Variants in NALF1 observed in about 807,000 individuals in gnomAD.
NALF1 encodes NALCN channel auxiliary factor 1, also known as family with sequence similarity 155 member A.
NALF1 carries 3 observed loss-of-function variants against 48.4 expected under a neutral mutation model. That is an observed-to-expected ratio of 0.06 (90% CI 0.03 to 0.16). The LOEUF (loss-of-function observed/expected upper bound fraction) is 0.16. Ranked by LOEUF, NALF1 falls within the 10% of genes least tolerant of loss-of-function variation. NALF1 has a pLI of 1.00. For synonymous variants in NALF1, 262 were observed against 245.7 expected, an observed-to-expected ratio of 1.07 and a Z score of -0.62; for missense variants, 526 against 571.5, an observed-to-expected ratio of 0.92 and a Z score of 0.81.
Position 107,564,488 on chromosome 13 carries a change from A to T in NALF1, c.915+301194T>A, listed in dbSNP as rs578248460. 1.3e-4 allele frequency among the ~76,000 whole-genome samples: 20 copies of T among 152,102 alleles called. No individual in the cohort carries two copies. In the South Asian group the frequency reaches 4.2e-3, roughly 32 times the overall value. On this transcript the variant is annotated intron_variant, in intron 1 of 2. Transcript: ENST00000375915. ...TAAGTGGGTGCACCTTTCCTAGTTC[A>T]CCCTGGTTGTTCTTGCTCATCCCCA... is the stretch of plus-strand genomic sequence containing the variant.
chr13:107,445,257 C>T (rs536419687), intron 1 of NALF1, among the ~76,000 whole-genome samples: 7 of 152,158 alleles, frequency 4.6e-5, no homozygotes, highest in South Asian at 2.1e-4. Context: ...GCCCTCTCTC[C>T]GAAGTCCCTG....
chr13:107,499,639 G>A (rs1460921605), intron 1 of NALF1, among the ~76,000 whole-genome samples: 2 of 152,130 alleles, frequency 1.3e-5, no homozygotes, highest in Admixed American at 1.3e-4. Context: ...ATATTTTACA[G>A]TATCATTCTG....
intron 1 of NALF1, among the ~76,000 whole-genome samples, chr13:107,315,568 TC>T (rs796352139): frequency 9.9e-5 from 15 of 152,262 alleles, no homozygotes; most frequent in African/African-American, 3.6e-4. Flanking sequence ...AAATGCAATT[TC>T]CAAGGTACTT....
At chr13:107,756,248 A>G (rs2138557015) in intron 1 of NALF1, among the ~76,000 whole-genome samples, 1 of 152,188 alleles carries the variant, frequency 6.6e-6, no homozygotes, top group Middle Eastern at 3.4e-3. Flanking sequence ...CTACAGGGGA[A>G]GGTGTCTTTT....
At chr13:107,457,518 C>G (rs1284323102) in intron 1 of NALF1, among the ~76,000 whole-genome samples, 1 of 152,184 alleles carries the variant, frequency 6.6e-6, no homozygotes, top group Non-Finnish European at 1.5e-5. Flanking sequence ...TGGCTTAGAA[C>G]ATTTACTAGA....
chr13:107,753,318 A>T (rs75360546), intron 1 of NALF1, among the ~76,000 whole-genome samples: 12,774 of 152,186 alleles, frequency 0.084, 647 homozygotes, highest in East Asian at 0.16. Flanking sequence ...TTAATTGTGC[A>T]ATAAGGCTTC....
chr13:107,385,290 C>T (rs1270435562), intron 1 of NALF1, among the ~76,000 whole-genome samples: 12 of 152,214 alleles, frequency 7.9e-5, no homozygotes, highest in South Asian at 2.1e-4. Flanking sequence ...CAGTGGCTCA[C>T]GCCTGTAATC....
chr13:107,833,768 CA>C (rs1227776380), intron 1 of NALF1, among the ~76,000 whole-genome samples: 1 of 152,164 alleles, frequency 6.6e-6, no homozygotes, highest in Non-Finnish European at 1.5e-5. Context: ...TAATGCTTCT[CA>C]TGTAAAGGTA....
chr13:107,583,606 G>GTA (rs1451513958), intron 1 of NALF1, among the ~76,000 whole-genome samples: 1 of 152,110 alleles, frequency 6.6e-6, no homozygotes, highest in Non-Finnish European at 1.5e-5. Context: ...AGCTCTCAGT[G>GTA]TAACTGATAT....
intron 1 of NALF1, among the ~76,000 whole-genome samples, chr13:107,396,420 G>A (rs112407753): frequency 9.2e-5 from 14 of 152,160 alleles, no homozygotes; most frequent in Non-Finnish European, 1.6e-4. Context: ...CCCTGTGTTC[G>A]TGCTCTAATA....
intron 1 of NALF1, among the ~76,000 whole-genome samples, chr13:107,639,139 ATAAGG>A (rs1880076610): frequency 6.6e-6 from 1 of 152,336 alleles, no homozygotes; most frequent in African/African-American, 2.4e-5. Flanking sequence ...TTTACTTAAT[ATAAGG>A]TATTTATTTT....
intron 1 of NALF1, among the ~76,000 whole-genome samples, chr13:107,348,897 A>G (rs1160239138): frequency 6.6e-6 from 1 of 152,192 alleles, no homozygotes; most frequent in Non-Finnish European, 1.5e-5. Context: ...CCTCTCTTCC[A>G]TTTCAGATGC....
chr13:107,759,222 GT>G (rs1450358716), intron 1 of NALF1, among the ~76,000 whole-genome samples: 1 of 151,940 alleles, frequency 6.6e-6, no homozygotes, highest in Non-Finnish European at 1.5e-5. Context: ...TTTTGTTTTT[GT>G]TTTTTGAGAT....
At chr13:107,235,065 G>A (rs985231377) in intron 1 of NALF1, among the ~76,000 whole-genome samples, 5 of 152,048 alleles carry the variant, frequency 3.3e-5, no homozygotes, top group African/African-American at 1.2e-4. Context: ...TCATGCCCAC[G>A]TTTTAGCTTT....
At chr13:107,339,138 GAAA>G (rs3072810) in intron 1 of NALF1, among the ~76,000 whole-genome samples, 255 of 121,124 alleles carry the variant, frequency 2.1e-3, no homozygotes, top group Non-Finnish European at 2.8e-3. Flanking sequence ...TGTCTCAGAA[GAAA>G]AAAAAAAAAA....
At position 107,246,535 on chromosome 13, in the gene NALF1, G is replaced by A. The variant is rs753610621; in HGVS notation, c.916-35780C>T. Among the ~76,000 whole-genome samples the A allele has an allele frequency of 3.1e-4, 47 of 152,140 alleles. 1 individual carries two copies. Among genetic ancestry groups the A allele is most frequent in the Non-Finnish European group, 5.4e-4 (37 of 68,026 alleles). ...GTCTTTTTCTGTTTTTCAGAGCAGGGTGAGAGGCCACACAGCATTCTCCTG... is the reference window on the plus strand; with the variant it reads ...GTCTTTTTCTGTTTTTCAGAGCAGGATGAGAGGCCACACAGCATTCTCCTG... On this transcript the variant is annotated intron_variant, in intron 1 of 2. Coordinates refer to ENST00000375915, the MANE Select transcript of NALF1 (RefSeq NM_001080396.3).
chr13:107,564,136 A>G (rs1013236082), intron 1 of NALF1, among the ~76,000 whole-genome samples: 1 of 152,192 alleles, frequency 6.6e-6, no homozygotes, highest in East Asian at 1.9e-4. Flanking sequence ...GAGATAATGC[A>G]CCATCCTGAT....
chr13:107,630,929 A>T (rs1879818608), intron 1 of NALF1, among the ~76,000 whole-genome samples: 1 of 152,290 alleles, frequency 6.6e-6, no homozygotes, highest in Non-Finnish European at 1.5e-5. Context: ...TAAATGTGTA[A>T]ATATAGTAGT....
intron 1 of NALF1, among the ~76,000 whole-genome samples, chr13:107,792,267 G>A (rs1001187405): frequency 2.0e-5 from 3 of 151,974 alleles, no homozygotes; most frequent in African/African-American, 4.8e-5. Context: ...CTTTACAAAC[G>A]TAATTCCAGA....
Sources: gnomAD v4.1 joint callset for allele counts (sites outside exome capture counted in the v4.1 genomes callset) on GRCh38, gnomAD v4.1.1 for gene constraint, MANE v1.5 for transcripts, NCBI Gene and HGNC (gene_info 2026-07-23, HGNC 2026-07-21) for gene names.